Variants in FGF13 observed in about 807,000 individuals in gnomAD.
The protein encoded by FGF13 is fibroblast growth factor homologous factor 2.
FGF13 carries 2 observed loss-of-function variants against 19.5 expected under a neutral mutation model. That is an observed-to-expected ratio of 0.10 (90% CI 0.04 to 0.32). The LOEUF is 0.32. Ranked by LOEUF, FGF13 falls within the 10% of genes least tolerant of loss-of-function variation. The pLI is 1.00. For missense variants in FGF13, 113 were observed against 192.7 expected (o/e 0.59, Z 2.45); for synonymous variants, 72 against 76.9 (o/e 0.94, Z 0.33).
chrX:139,015,255 T>G, intron 1 of FGF13, among the ~76,000 whole-genome samples: 1 of 111,105 alleles, frequency 9.0e-6, no homozygotes, highest in Non-Finnish European at 1.9e-5. Context: ...GCATCCAAGT[T>G]GAAAAGGAAG....
rs186365801 is a variant in FGF13, at chrX:138,924,920, T to C, written c.-112-60270A>G. Among the ~76,000 whole-genome samples, 7 of 110,391 alleles carry C rather than the reference T, an allele frequency of 6.3e-5. No homozygotes were observed. The East Asian group carries it at 1.1e-3, about 18-fold the overall frequency. ...AGAATTAAAGTCCTGGTAGTGGTAA[T>C]TGAGAAGTGATCAGCCATCAATATA... On this transcript the variant is annotated intron_variant, in intron 1 of 2. Coordinates refer to the FGF13 transcript ENST00000421460.
At chrX:138,646,692 G>A (rs1320958565) in intron 3 of FGF13, among the ~76,000 whole-genome samples, 2 of 111,770 alleles carry the variant, frequency 1.8e-5, no homozygotes, top group Non-Finnish European at 3.8e-5. Flanking sequence ...CTACTCTAGA[G>A]GTATTCAGGA....
intron 1 of FGF13, among the ~76,000 whole-genome samples, chrX:139,152,686 T>C (rs1376139916): frequency 9.0e-6 from 1 of 110,848 alleles, no homozygotes; most frequent in Non-Finnish European, 1.9e-5. Context: ...AAAAATCAAA[T>C]CTCTTCAAAG....
intron 1 of FGF13, among the ~76,000 whole-genome samples, chrX:139,186,827 T>C (rs953211885): frequency 1.8e-5 from 2 of 111,815 alleles, no homozygotes; most frequent in Non-Finnish European, 3.8e-5. Flanking sequence ...TTTGTCCTCC[T>C]CTTTGCCAGG....
At chrX:139,124,006 G>C (rs1241073004) in intron 1 of FGF13, among the ~76,000 whole-genome samples, 8 of 111,991 alleles carry the variant, frequency 7.1e-5, no homozygotes, top group Non-Finnish European at 1.5e-4. Flanking sequence ...CCAGAGTGTG[G>C]AGTTATTCAA....
At chrX:138,703,238 T>C in intron 2 of FGF13, 151 bp from the exon 3 acceptor site, 2 of 454,499 alleles carry the variant, frequency 4.4e-6, no homozygotes, top group Non-Finnish European at 7.9e-6. Flanking sequence ...TGCATACACA[T>C]ACAGACCCCC....
intron 1 of FGF13, among the ~76,000 whole-genome samples, chrX:138,989,829 C>T (rs1237428941): frequency 9.0e-6 from 1 of 110,633 alleles, no homozygotes; most frequent in Non-Finnish European, 1.9e-5. Context: ...CGAAAAAGCA[C>T]CAGGAAATAA....
chrX:138,908,586 T>C, intron 1 of FGF13, among the ~76,000 whole-genome samples: 1 of 110,657 alleles, frequency 9.0e-6, no homozygotes, highest in Non-Finnish European at 1.9e-5. Flanking sequence ...AGTTCTAACA[T>C]TCTGTGCTGC....
At chrX:139,132,983 C>T (rs1406375839) in intron 1 of FGF13, among the ~76,000 whole-genome samples, 1 of 111,245 alleles carries the variant, frequency 9.0e-6, no homozygotes, top group East Asian at 2.8e-4. Context: ...CAATGTATAT[C>T]CACTGGGTAT....
At chrX:139,153,776 T>A (rs1338839411) in intron 1 of FGF13, among the ~76,000 whole-genome samples, 3 of 111,210 alleles carry the variant, frequency 2.7e-5, no homozygotes, top group African/African-American at 9.9e-5. Flanking sequence ...ACTAGGTTAA[T>A]TGGGCCCTAA....
intron 1 of FGF13, among the ~76,000 whole-genome samples, chrX:139,155,492 C>T (rs1049889829): frequency 2.7e-5 from 3 of 111,889 alleles, no homozygotes; most frequent in Non-Finnish European, 3.8e-5. Flanking sequence ...GCAAAGAAAT[C>T]CCCCAACACT....
chrX:138,918,164 C>CAAAAAA (rs3077321), intron 1 of FGF13, among the ~76,000 whole-genome samples: 2 of 101,329 alleles, frequency 2.0e-5, no homozygotes, highest in Non-Finnish European at 4.0e-5. Context: ...AAACAGAAGA[C>CAAAAAA]AAAAAAAAAA....
chrX:138,984,591 G>GAAGAAGAAGA (rs1390994166), intron 1 of FGF13, among the ~76,000 whole-genome samples: 21 of 18,637 alleles, frequency 1.1e-3, no homozygotes, highest in East Asian at 3.5e-3. Flanking sequence ...GAAGAAGAAG[G>GAAGAAGAAGA]AGGAGGAGGA....
rs1252410827 is a variant in FGF13 at position 138,616,187 on chromosome X, C to A, written c.*16663G>T. ...TCCAAGTCCAAAGTCTCATCTGAGACAAAGCAAGTCCCTTCCACCTATAAG... is the reference window on the plus strand; with the variant it reads ...TCCAAGTCCAAAGTCTCATCTGAGAAAAAGCAAGTCCCTTCCACCTATAAG... On this transcript the variant is annotated 3_prime_UTR_variant, in exon 5 of 5. Transcript: ENST00000315930. 1 of 112,038 alleles carries A rather than the reference C, an allele frequency of 8.9e-6. No individual in the cohort carries two copies. The highest frequency in any genetic ancestry group is 1.9e-5 in the Non-Finnish European group (1 of 53,237). 9.2% of individuals were successfully genotyped at this position (112,038 alleles called of 1,213,427 possible).
chrX:138,694,986 AACACACACACACACACACACAC>A (rs745359063), intron 3 of FGF13, among the ~76,000 whole-genome samples: 1,585 of 84,740 alleles, frequency 0.019, 27 homozygotes, highest in African/African-American at 0.066. Context: ...TACTAGTTGA[AACACACACACACACACACACAC>A]ACACACACAC....
At chrX:139,063,118 A>T (rs192605833) in intron 1 of FGF13, among the ~76,000 whole-genome samples, 1 of 112,062 alleles carries the variant, frequency 8.9e-6, no homozygotes, top group Non-Finnish European at 1.9e-5. Flanking sequence ...TGCAGAAACA[A>T]CTTAAAACCT....
intron 2 of FGF13, among the ~76,000 whole-genome samples, chrX:138,862,053 T>C (rs1013377402): frequency 9.8e-5 from 11 of 111,720 alleles, no homozygotes; most frequent in Admixed American, 2.9e-4. Flanking sequence ...AAAGCATCAA[T>C]ATATTAGATA....
chrX:139,018,153 C>T (rs1423054119), intron 1 of FGF13, among the ~76,000 whole-genome samples: 1 of 111,666 alleles, frequency 9.0e-6, no homozygotes, highest in Non-Finnish European at 1.9e-5. Context: ...CATGGAACCT[C>T]TTATAAAATG....
At chrX:139,042,420 G>A (rs775140621) in intron 1 of FGF13, among the ~76,000 whole-genome samples, 8 of 111,835 alleles carry the variant, frequency 7.2e-5, no homozygotes, top group Middle Eastern at 4.6e-3. Flanking sequence ...AGTAGGTGGA[G>A]ATATAATCAG....
Sources: gnomAD v4.1 joint callset for allele counts (sites outside exome capture counted in the v4.1 genomes callset) on GRCh38, gnomAD v4.1.1 for gene constraint, MANE v1.5 for transcripts, NCBI Gene and HGNC (gene_info 2026-07-23, HGNC 2026-07-21) for gene names.